The following SCN1A variants were observed in gnomAD, a reference collection of about 807,000 sequenced individuals.
SCN1A encodes sodium voltage-gated channel alpha subunit 1, also known as sodium channel protein type 1 subunit alpha.
In SCN1A, 13 loss-of-function variants were observed where a neutral mutation model predicts 193.7. The observed-to-expected ratio is 0.07, with a 90% CI of 0.04 to 0.11. The LOEUF is 0.11. SCN1A is among the 10% of genes least tolerant of loss of function. The probability of loss-of-function intolerance (pLI) is 1.00; values close to 1 mark genes in which losing one functional copy is unlikely to be tolerated. For synonymous variants in SCN1A, 781 were observed against 843.6 expected, an observed-to-expected ratio of 0.93 and a Z score of 1.29; for missense variants, 1,432 against 2,451.1, an observed-to-expected ratio of 0.58 and a Z score of 8.78.
intron 4 of SCN1A, among the ~76,000 whole-genome samples, chr2:166,067,775 T>G (rs566730490): frequency 1.2e-4 from 18 of 150,522 alleles, no homozygotes; most frequent in Non-Finnish European, 1.6e-4. Flanking sequence ...AGTAAATCTC[T>G]GCCCCACTGT....
At chr2:166,107,026 T>C (rs1288317998) in intron 2 of SCN1A, among the ~76,000 whole-genome samples, 1 of 152,198 alleles carries the variant, frequency 6.6e-6, no homozygotes, top group Non-Finnish European at 1.5e-5. Flanking sequence ...ACTATACTTC[T>C]TAACAGCTAC....
rs558454559 is a variant in SCN1A at position 166,047,525 on chromosome 2, C to A, written c.1170+102G>T. On this transcript the variant is annotated intron_variant, in intron 11 of 28. Coordinates refer to ENST00000674923, the MANE Select transcript of SCN1A (RefSeq NM_001165963.4). ...AGGAACTCAAGTCTCGTTTCAAGTT[C>A]TGCTCTTTCTACTATATTATCATCC... The A allele has an allele frequency of 2.5e-5, 33 of 1,318,348 alleles. 1 individual carries two copies. The African/African-American group carries it at 2.6e-4, about 10-fold the overall frequency. The allele number at this position is 1,318,348 out of a possible 1,614,324, so 81.7% of individuals were successfully genotyped here.
At position 165,987,798 on chromosome 2, in the gene SCN1A, A is replaced by G. The variant is rs1688700387; in HGVS notation, c.*3447T>C. Reference sequence around the variant, plus strand: ...ATGGAGATTTATATGATTATGTTTTACCAGTTCTTCTCTTTGTATTTGGAA... The same window carrying G: ...ATGGAGATTTATATGATTATGTTTTGCCAGTTCTTCTCTTTGTATTTGGAA... On this transcript the variant is annotated 3_prime_UTR_variant, in exon 29 of 29. Coordinates refer to ENST00000674923, the MANE Select transcript of SCN1A (RefSeq NM_001165963.4). 6.6e-6 allele frequency: 1 copy of G among 152,150 alleles called. No homozygotes were observed. The highest frequency in any genetic ancestry group is 2.1e-4 in the South Asian group (1 of 4,838). The allele number at this position is 152,150 out of a possible 1,614,324, so 9.4% of individuals were successfully genotyped here. A position where few individuals can be genotyped will look rare whatever the true frequency, so the allele number is the denominator to read the frequency against.
chr2:166,047,917 C>G (rs1698046396), intron 10 of SCN1A, 149 bp from the exon 11 acceptor site: 1 of 955,376 alleles, frequency 1.0e-6, no homozygotes, highest in African/African-American at 1.6e-5. Context: ...CAACTTTTGA[C>G]TGCATATAGT....
chr2:166,053,144 T>G (rs1163650191), intron 7 of SCN1A: 5 of 1,026,856 alleles, frequency 4.9e-6, no homozygotes, highest in South Asian at 2.6e-5. Flanking sequence ...TAGAATTAAA[T>G]CAGAATTATT....
rs3749029 is a variant in SCN1A at position 165,991,504 on chromosome 2, C to T, written c.5771G>A (p.Arg1924His). 1.4e-5 allele frequency: 22 copies of T among 1,613,894 alleles called. No homozygotes were observed. The East Asian group carries it at 1.6e-4, about 11-fold the overall frequency. Residue 1924 changes from arginine to histidine, a missense_variant, in exon 29 of 29, where the codon CGT becomes CAT. This residue lies in a region of SCN1A where 148 missense variants were observed against 160.3 expected (regional missense o/e 0.92). Transcript: ENST00000674923. ...CTTTAAAAGGTGGCGTCTGTAAGCACGCTGAATAATGACAGCAGATACTTC... is the reference window on the plus strand; with the variant it reads ...CTTTAAAAGGTGGCGTCTGTAAGCATGCTGAATAATGACAGCAGATACTTC... ...QEEVSAVIIQRAYRRHLLKRT... is the reference protein window; with the variant it reads ...QEEVSAVIIQHAYRRHLLKRT...
chr2:166,009,144 A>G (rs1399434461), intron 23 of SCN1A, among the ~76,000 whole-genome samples: 1 of 151,130 alleles, frequency 6.6e-6, no homozygotes, highest in East Asian at 1.9e-4. Flanking sequence ...GTGGATTTGT[A>G]TGTAATCTTT....
At chr2:166,101,510 T>TA (rs35742053) in intron 2 of SCN1A, among the ~76,000 whole-genome samples, 13 of 143,706 alleles carry the variant, frequency 9.0e-5, no homozygotes, top group African/African-American at 2.8e-4. Flanking sequence ...AAAGTATAAT[T>TA]AAAAAAAAAA....
chr2:166,128,386 A>T (rs1247615757), upstream of SCN1A, among the ~76,000 whole-genome samples: 1 of 152,214 alleles, frequency 6.6e-6, no homozygotes, highest in African/African-American at 2.4e-5. Context: ...GTTATCTATA[A>T]AAATGATATA....
chr2:166,064,743 G>T (rs1388434188), intron 4 of SCN1A, among the ~76,000 whole-genome samples: 1 of 152,008 alleles, frequency 6.6e-6, no homozygotes, highest in African/African-American at 2.4e-5. Context: ...TTAAACATAA[G>T]CTGTAACTTT....
intron 2 of SCN1A, among the ~76,000 whole-genome samples, chr2:166,097,763 T>G (rs1361726042): frequency 1.3e-5 from 2 of 152,148 alleles, no homozygotes; most frequent in South Asian, 4.1e-4. Context: ...AAATATTTTG[T>G]AGGGACAGGG....
At chr2:166,007,851 A>G (rs1574030478) in intron 23 of SCN1A, among the ~76,000 whole-genome samples, 1 of 151,368 alleles carries the variant, frequency 6.6e-6, no homozygotes, top group East Asian at 1.9e-4. Flanking sequence ...CTCACTTCCC[A>G]ATCATAATCA....
chr2:165,985,142 G>T (rs1688531146), downstream of SCN1A: 1 of 152,038 alleles, frequency 6.6e-6, no homozygotes, highest in Non-Finnish European at 1.5e-5. Context: ...AGACAAAAAG[G>T]ATCAGTCAAG....
intron 22 of SCN1A, among the ~76,000 whole-genome samples, chr2:166,010,875 AATT>A (rs1288586244): frequency 2.0e-5 from 3 of 151,132 alleles, no homozygotes; most frequent in Admixed American, 6.6e-5. Flanking sequence ...TTTTCTATAA[AATT>A]ATTTTCTTAA....
chr2:166,073,141 TTTTA>T (rs922222568), intron 4 of SCN1A, among the ~76,000 whole-genome samples: 2 of 151,938 alleles, frequency 1.3e-5, no homozygotes, highest in African/African-American at 4.8e-5. Context: ...CCTGGCCTCT[TTTTA>T]TTTGTCATGG....
At chr2:166,012,864 A>G (rs1310186524) in intron 21 of SCN1A, among the ~76,000 whole-genome samples, 2 of 151,122 alleles carry the variant, frequency 1.3e-5, no homozygotes, top group Non-Finnish European at 3.0e-5. Context: ...TTCTTCTATT[A>G]TGAACCTCTC....
intron 2 of SCN1A, among the ~76,000 whole-genome samples, chr2:166,091,216 T>C (rs1007273095): frequency 1.3e-5 from 2 of 152,214 alleles, no homozygotes; most frequent in African/African-American, 2.4e-5. Context: ...GCAGCACTGC[T>C]TGCTGTCGGC....
intron 2 of SCN1A, among the ~76,000 whole-genome samples, chr2:166,124,764 G>A (rs991376583): frequency 1.4e-4 from 22 of 152,110 alleles, no homozygotes; most frequent in Non-Finnish European, 1.5e-4. Context: ...CCATGGCCAC[G>A]GTGTGGCTGG....
intron 1 of SCN1A, among the ~76,000 whole-genome samples, chr2:166,141,636 A>G (rs11887820): frequency 4.6e-5 from 7 of 152,164 alleles, no homozygotes; most frequent in African/African-American, 1.7e-4. Flanking sequence ...ATTGCTTAAA[A>G]TATTTTGTTC....
Sources: gnomAD v4.1 joint callset for allele counts (sites outside exome capture counted in the v4.1 genomes callset) on GRCh38, gnomAD v4.1.1 for gene constraint, gnomAD v4.1.1 regional missense constraint, MANE v1.5 for transcripts, NCBI Gene and HGNC (gene_info 2026-07-23, HGNC 2026-07-21) for gene names.